Variants in ETNK2 observed in about 807,000 individuals in gnomAD.
The protein encoded by ETNK2 is ethanolamine kinase-like protein.
ETNK2 carries 33 observed loss-of-function variants against 46.2 expected under a neutral mutation model. The ratio of observed to expected loss-of-function variants is 0.71; its 90% CI spans 0.54 to 0.96. ETNK2 has a LOEUF of 0.96. ETNK2 is among the 40% of genes least tolerant of loss of function. ETNK2 has a pLI of 0.00. For synonymous variants in ETNK2, 194 were observed against 209.0 expected (o/e 0.93, Z 0.62); for missense variants, 445 against 509.7 (o/e 0.87, Z 1.22).
chr1:204,141,035 G>A, intron 4 of ETNK2: 1 of 481,896 alleles, frequency 2.1e-6, no homozygotes. Context: ...CACATTGCCT[G>A]GGCTGGTCTT....
intron 7 of ETNK2, among the ~76,000 whole-genome samples, chr1:204,133,422 TTC>T (rs529171943): frequency 1.2e-3 from 184 of 152,304 alleles, no homozygotes; most frequent in African/African-American, 4.2e-3. Context: ...AATTATTATT[TTC>T]TGTTTTTTAA....
In ETNK2 at chr1:204,137,224, CA is replaced by C; in HGVS notation, c.893del (p.Leu298ArgfsTer24). ...GCAGCTGGGTCTCCCGCGCCGGGTA[CA>C]GGCAGTAATCCACCTCATTCACGCC... ...FAGVNEVDYC[L>X]YPARETQLQW... On this transcript the variant is annotated frameshift_variant, in exon 6 of 8. Coordinates refer to ENST00000367202, the MANE Select transcript of ETNK2 (RefSeq NM_018208.4). LOFTEE classifies it high-confidence loss of function. The C allele has an allele frequency of 6.2e-7, 1 of 1,613,882 alleles. No individual in the cohort carries two copies. The highest frequency in any genetic ancestry group is 8.5e-7 in the Non-Finnish European group (1 of 1,179,818).
chr1:204,149,996 G>C, intron 1 of ETNK2, 34 bp from the exon 2 acceptor site: 1 of 449,318 alleles, frequency 2.2e-6, no homozygotes, highest in Non-Finnish European at 4.5e-6. Flanking sequence ...GTGGGTGGGT[G>C]GGTGGGGCAG....
At chr1:204,141,549 C>G (rs1657540787) in intron 3 of ETNK2, 92 bp from the exon 4 acceptor site, 11 of 1,387,220 alleles carry the variant, frequency 7.9e-6, no homozygotes, top group Non-Finnish European at 9.8e-6. Flanking sequence ...TCATCACTCC[C>G]TCTGTCTTAC....
Position 204,151,326 on chromosome 1 carries a change from A to T in ETNK2, c.258+269T>A. On this transcript the variant is annotated intron_variant, in intron 1 of 7. Coordinates refer to ENST00000367202, the MANE Select transcript of ETNK2 (RefSeq NM_018208.4). This position sits in a 1 kb window ranked among gnomAD's most constrained non-coding sequence, Gnocchi z 8.0. ...CGCAGCGACAGGGGGTGCGGCCCGCACACGCAGCATGCCGACAGTGGGCAG... is the reference window on the plus strand; with the variant it reads ...CGCAGCGACAGGGGGTGCGGCCCGCTCACGCAGCATGCCGACAGTGGGCAG... 1 of 555,150 alleles carries T rather than the reference A, an allele frequency of 1.8e-6. No individual in the cohort carries two copies. The highest frequency in any genetic ancestry group is 3.4e-5 in the East Asian group (1 of 29,346). 34.4% of individuals were successfully genotyped at this position (555,150 alleles called of 1,614,324 possible).
intron 5 of ETNK2, 109 bp downstream of exon 5, chr1:204,139,926 C>A (rs903175324): frequency 5.9e-6 from 5 of 849,492 alleles, no homozygotes; most frequent in South Asian, 1.5e-5. Context: ...AAATATGGTA[C>A]CTATTACCGT....
rs779185057 is a variant in ETNK2 at position 204,132,142 on chromosome 1, G to A, written c.*42C>T. ...TGCAGAATTGAGCTCTGGAGAACAGGTCTGGCCAGACAGATGGGTAGGGGA... is the reference window on the plus strand; with the variant it reads ...TGCAGAATTGAGCTCTGGAGAACAGATCTGGCCAGACAGATGGGTAGGGGA... On this transcript the variant is annotated 3_prime_UTR_variant, in exon 8 of 8. Coordinates refer to ENST00000367202, the MANE Select transcript of ETNK2 (RefSeq NM_018208.4). 2 of 1,489,616 alleles carry A rather than the reference G, an allele frequency of 1.3e-6. No individual in the cohort carries two copies. The highest frequency in any genetic ancestry group is 2.8e-5 in the African/African-American group (2 of 71,822). The allele number at this position is 1,489,616 out of a possible 1,614,324, so 92.3% of individuals were successfully genotyped here. A position where few individuals can be genotyped will look rare whatever the true frequency, so the allele number is the denominator to read the frequency against.
chr1:204,151,785 G>A lies in ETNK2; in HGVS notation c.68C>T (p.Pro23Leu), dbSNP rs1361110172. ...SFHLRRHTPCPQCSWGMEEKA... is the reference protein window; with the variant it reads ...SFHLRRHTPCLQCSWGMEEKA... ...CTCCTCCATGCCCCATGAGCACTGCGGGCAAGGCGTGTGCCTCCTCAGGTG... is the reference window on the plus strand; with the variant it reads ...CTCCTCCATGCCCCATGAGCACTGCAGGCAAGGCGTGTGCCTCCTCAGGTG... The change falls in exon 1 of 8, where the codon CCG (proline) becomes CTG (leucine). Residue 23 changes from proline (P) to leucine (L), a missense_variant. By Grantham distance (98) the Pro-to-Leu change is moderately conservative (BLOSUM62 -3). Coordinates refer to ENST00000367202, the MANE Select transcript of ETNK2 (RefSeq NM_018208.4). This position sits in a 1 kb window ranked among gnomAD's most constrained non-coding sequence, Gnocchi z 8.0. 1.3e-6 allele frequency: 2 copies of A among 1,506,092 alleles called. No individual in the cohort carries two copies. Among genetic ancestry groups the A allele is most frequent in the Non-Finnish European group, 8.8e-7 (1 of 1,130,324 alleles). 93.3% of individuals were successfully genotyped at this position (1,506,092 alleles called of 1,614,324 possible).
intron 7 of ETNK2, among the ~76,000 whole-genome samples, chr1:204,132,734 AT>A (rs11380030): frequency 1.1e-4 from 16 of 149,204 alleles, no homozygotes; most frequent in African/African-American, 1.2e-4. Context: ...TGCCCAGCCT[AT>A]TTTTTTTTTA....
At chr1:204,146,820 C>T (rs1558237598) in intron 2 of ETNK2, 56 bp from the exon 3 acceptor site, 2 of 1,608,010 alleles carry the variant, frequency 1.2e-6, no homozygotes, top group East Asian at 2.2e-5. Context: ...GCCTTCCCCA[C>T]TCATTTCCTC....
At chr1:204,146,145 G>A (rs1657770656) in intron 3 of ETNK2, among the ~76,000 whole-genome samples, 1 of 152,138 alleles carries the variant, frequency 6.6e-6, no homozygotes, top group African/African-American at 2.4e-5. Flanking sequence ...CAGGAACCTC[G>A]ATGTCCCCAA....
Position 204,132,252 on chromosome 1 carries a change from C to T in ETNK2, c.1093G>A (p.Ala365Thr), listed in dbSNP as rs1056215375. 4 of 1,567,784 alleles carry T rather than the reference C, an allele frequency of 2.6e-6. No individual in the cohort carries two copies. Among genetic ancestry groups the T allele is most frequent in the Non-Finnish European group, 3.5e-6 (4 of 1,155,930 alleles). The change falls in exon 8 of 8, where the codon GCA (alanine) becomes ACA (threonine). Residue 365 changes from alanine to threonine, a missense_variant. By Grantham distance (58) the Ala-to-Thr change is moderately conservative. Coordinates refer to ENST00000367202, the MANE Select transcript of ETNK2 (RefSeq NM_018208.4). ...STIDFDFLRY[A>T]VIRFNQYFKV... Reference sequence around the variant, plus strand: ...AAGTACTGGTTGAATCGGATCACTGCGTACCTGTGGGGAAGACAGAAGGAA... The same window carrying T: ...AAGTACTGGTTGAATCGGATCACTGTGTACCTGTGGGGAAGACAGAAGGAA...
At position 204,151,092 on chromosome 1, in the gene ETNK2, G is replaced by A. The variant is rs1012865891; in HGVS notation, c.258+503C>T. The A allele has an allele frequency of 6.5e-5, 13 of 199,932 alleles. No individual in the cohort carries two copies. The highest frequency in any genetic ancestry group is 8.1e-5 in the Non-Finnish European group (8 of 99,334). 12.4% of individuals were successfully genotyped at this position (199,932 alleles called of 1,614,324 possible). ...CTGCAGCGATGGTGAGGAGCTGAGTGCTAGCTGGAATTCCACAGGGTGGCT... is the reference window on the plus strand; with the variant it reads ...CTGCAGCGATGGTGAGGAGCTGAGTACTAGCTGGAATTCCACAGGGTGGCT... On this transcript the variant is annotated intron_variant, in intron 1 of 7. Coordinates refer to ENST00000367202, the MANE Select transcript of ETNK2 (RefSeq NM_018208.4). The surrounding 1 kb of genome is among the most constrained non-coding windows in gnomAD (Gnocchi z 8.0).
In ETNK2 at chr1:204,152,028, C is replaced by T. The variant is rs1360039898; in HGVS notation, c.-176G>A. On this transcript the variant is annotated 5_prime_UTR_variant, in exon 1 of 8. Transcript: ENST00000367202. The surrounding 1 kb of genome is among the most constrained non-coding windows in gnomAD (Gnocchi z 4.2). ...GCCCACCGCCGACCCCGGAGCGCCG[C>T]GGCCCGCCGCGATTGTGACATCACG... 2 of 571,664 alleles carry T rather than the reference C, an allele frequency of 3.5e-6. No individual in the cohort carries two copies. Among genetic ancestry groups the T allele is most frequent in the Non-Finnish European group, 5.1e-6 (2 of 389,230 alleles). 35.4% of individuals were successfully genotyped at this position (571,664 alleles called of 1,614,324 possible). A position where few individuals can be genotyped will look rare whatever the true frequency, so the allele number is the denominator to read the frequency against.
rs1658021362 is a variant in ETNK2, at chr1:204,151,874, G to T, written c.-22C>A. The stretch of plus-strand genomic sequence containing the variant: ...CCATTCCCAGCAGCCCCACCCCCTC[G>T]GAGCCGCGGCAGACGCTAGCCCCGG... On this transcript the variant is annotated 5_prime_UTR_variant, in exon 1 of 8. Transcript: ENST00000367202. The surrounding 1 kb of genome is among the most constrained non-coding windows in gnomAD (Gnocchi z 8.0). 30 of 1,419,450 alleles carry T rather than the reference G, an allele frequency of 2.1e-5. No individual in the cohort carries two copies. Among genetic ancestry groups the T allele is most frequent in the Non-Finnish European group, 2.7e-5 (29 of 1,092,522 alleles). 87.9% of individuals were successfully genotyped at this position (1,419,450 alleles called of 1,614,324 possible). A position where few individuals can be genotyped will look rare whatever the true frequency, so the allele number is the denominator to read the frequency against.
chr1:204,141,107 T>C (rs1440797422), intron 4 of ETNK2: 1 of 692,664 alleles, frequency 1.4e-6, no homozygotes, highest in East Asian at 2.9e-5. Flanking sequence ...ATTATAGGCA[T>C]GAGCCACTGA....
chr1:204,131,402 G>A lies in ETNK2; in HGVS notation c.*782C>T, dbSNP rs1657063027. On this transcript the variant is annotated 3_prime_UTR_variant, in exon 8 of 8. Coordinates refer to ENST00000367202, the MANE Select transcript of ETNK2 (RefSeq NM_018208.4). The surrounding 1 kb of genome is among the most constrained non-coding windows in gnomAD (Gnocchi z 4.3). ...GAGGGCCAGGGAGGGAACAAGGCAG[G>A]AGACTGCTGGTTCTGGTTTTGGCCA... The A allele has an allele frequency of 6.6e-6, 1 of 152,456 alleles. No individual in the cohort carries two copies. Among genetic ancestry groups the A allele is most frequent in the South Asian group, 2.1e-4 (1 of 4,834 alleles). The allele number at this position is 152,456 out of a possible 1,614,324, so 9.4% of individuals were successfully genotyped here.
intron 4 of ETNK2, 38 bp from the exon 5 acceptor site, chr1:204,140,156 G>T: frequency 6.4e-7 from 1 of 1,568,202 alleles, no homozygotes. Flanking sequence ...GTTGGCCCAG[G>T]AGATCTGGCA....
chr1:204,137,103 C>A lies in ETNK2; in HGVS notation c.1014+1G>T. On this transcript the variant is annotated splice_donor_variant, in intron 6 of 7. Coordinates refer to ENST00000367202, the MANE Select transcript of ETNK2 (RefSeq NM_018208.4). LOFTEE classifies it high-confidence loss of function. ...CCCAGCCCTAGAAATAAGGCACTCACCAGGGCAAACTTGTTGACTTGCACG... is the reference window on the plus strand; with the variant it reads ...CCCAGCCCTAGAAATAAGGCACTCAACAGGGCAAACTTGTTGACTTGCACG... The A allele has an allele frequency of 6.2e-7, 1 of 1,613,662 alleles. No homozygotes were observed. Among genetic ancestry groups the A allele is most frequent in the Non-Finnish European group, 8.5e-7 (1 of 1,179,720 alleles).
Sources: gnomAD v4.1 joint callset for allele counts (sites outside exome capture counted in the v4.1 genomes callset) on GRCh38, gnomAD v4.1.1 for gene constraint, Gnocchi (gnomAD v3.1) non-coding constraint, MANE v1.5 for transcripts, NCBI Gene and HGNC (gene_info 2026-07-23, HGNC 2026-07-21) for gene names.